The following CRY2 variants were observed in gnomAD, a reference collection of about 807,000 sequenced individuals.
The protein encoded by CRY2 is cryptochrome circadian regulator 2, also known as cryptochrome-2.
CRY2 carries 31 observed loss-of-function variants against 69.5 expected under a neutral mutation model. The observed-to-expected ratio is 0.45, with a 90% confidence interval of 0.34 to 0.60. CRY2 has a LOEUF of 0.60. CRY2 is among the 20% of genes least tolerant of loss of function. The probability of loss-of-function intolerance (pLI) is 0.02; values close to 1 mark genes in which losing one functional copy is unlikely to be tolerated. For synonymous variants in CRY2, 303 were observed against 312.2 expected, an observed-to-expected ratio of 0.97 and a Z score of 0.31; for missense variants, 606 against 797.8, an observed-to-expected ratio of 0.76 and a Z score of 2.90.
chr11:45,851,830 A>G (rs2086201148), intron 1 of CRY2, among the ~76,000 whole-genome samples: 1 of 152,196 alleles, frequency 6.6e-6, no homozygotes. Context: ...AGCCAGTGGT[A>G]TCATCATCGT....
intron 6 of CRY2, among the ~76,000 whole-genome samples, chr11:45,868,543 T>G (rs2086349960): frequency 6.6e-6 from 1 of 152,154 alleles, no homozygotes; most frequent in Non-Finnish European, 1.5e-5. Context: ...GGTCTCGAAC[T>G]CCTGGGCACA....
Position 45,870,869 on chromosome 11 carries a change from T to C in CRY2, c.1577T>C (p.Val526Ala). ...CTACTGGCATCTGTCCCTTCCTGTG[T>C]GGAAGACCTCAGTCACCCTGTGGCA... is the stretch of plus-strand genomic sequence containing the variant. ...LCLLASVPSC[V>A]EDLSHPVAEP... The change falls in exon 10 of 12, where the codon GTG becomes GCG. Residue 526 changes from valine to alanine, a missense_variant. Physicochemically the swap from Val to Ala is moderately conservative, Grantham distance 64. Around this residue, in one of 5 missense-constraint regions of CRY2, gnomAD observed 173 missense variants for 213.7 expected, o/e 0.81. Coordinates refer to ENST00000616080, the MANE Select transcript of CRY2 (RefSeq NM_021117.5). 1 of 1,613,678 alleles carries C rather than the reference T, an allele frequency of 6.2e-7. No individual in the cohort carries two copies. Among genetic ancestry groups the C allele is most frequent in the Non-Finnish European group, 8.5e-7 (1 of 1,180,024 alleles).
Position 45,869,753 on chromosome 11 carries a change from G to T in CRY2, c.1130G>T (p.Arg377Leu), listed in dbSNP as rs773287335. 6.2e-7 allele frequency: 1 copy of T among 1,613,730 alleles called. No individual in the cohort carries two copies. The highest frequency in any genetic ancestry group is 1.3e-5 in the African/African-American group (1 of 74,950). Residue 377 changes from arginine (R) to leucine (L), a missense_variant, in exon 7 of 12, where the codon CGG becomes CTG. Physicochemically the swap from Arg to Leu is moderately radical, Grantham distance 102. Coordinates refer to ENST00000616080, the MANE Select transcript of CRY2 (RefSeq NM_021117.5). The part of the protein sequence containing the change: ...RQEGWIHHLA[R>L]HAVACFLTRG... ...GAGGGCTGGATCCACCACCTGGCCC[G>T]GCATGCCGTGGCCTGCTTCCTGACC...
At chr11:45,850,983 A>G (rs1307685263) in intron 1 of CRY2, among the ~76,000 whole-genome samples, 1 of 151,914 alleles carries the variant, frequency 6.6e-6, no homozygotes, top group Non-Finnish European at 1.5e-5. Context: ...TGCCCTGGTG[A>G]TGGTGGGAAG....
chr11:45,860,720 A>C (rs1441632197), intron 3 of CRY2, 128 bp from the exon 4 acceptor site: 7 of 988,746 alleles, frequency 7.1e-6, no homozygotes, highest in African/African-American at 1.6e-5. Context: ...CCACTCAGGC[A>C]TGGGACCTGT....
intron 2 of CRY2, chr11:45,858,248 T>C (rs1427263901): frequency 6.5e-6 from 1 of 154,560 alleles, no homozygotes; most frequent in Non-Finnish European, 1.4e-5. Flanking sequence ...CTCAGGAGTG[T>C]TGCTGTGGAA....
intron 5 of CRY2, 72 bp downstream of exon 5, chr11:45,862,220 A>G: frequency 7.0e-7 from 1 of 1,432,624 alleles, no homozygotes; most frequent in Non-Finnish European, 9.6e-7. Context: ...GGTCATGTCC[A>G]TGTCCTTTAG....
chr11:45,872,069 C>T, intron 10 of CRY2, 23 bp from the exon 11 acceptor site: 1 of 1,613,332 alleles, frequency 6.2e-7, no homozygotes, highest in Non-Finnish European at 8.5e-7. Context: ...GTCTGTGTGA[C>T]CCTTTGACAC....
intron 11 of CRY2, among the ~76,000 whole-genome samples, chr11:45,877,415 G>T (rs962408466): frequency 6.6e-6 from 1 of 152,208 alleles, no homozygotes; most frequent in Non-Finnish European, 1.5e-5. Flanking sequence ...GCCTGCACAC[G>T]TGCATCCACC....
At chr11:45,875,883 T>C (rs1026562964) in intron 11 of CRY2, among the ~76,000 whole-genome samples, 3 of 152,248 alleles carry the variant, frequency 2.0e-5, no homozygotes, top group African/African-American at 7.2e-5. Flanking sequence ...TCTTTGAATA[T>C]GTAAAATGCA....
intron 4 of CRY2, chr11:45,861,279 C>T (rs1314233487): frequency 2.1e-6 from 1 of 472,936 alleles, no homozygotes; most frequent in Non-Finnish European, 3.8e-6. Flanking sequence ...GATCATGCCT[C>T]TATTTTTGTA....
chr11:45,876,621 C>T (rs1179079044), intron 11 of CRY2, among the ~76,000 whole-genome samples: 1 of 152,186 alleles, frequency 6.6e-6, no homozygotes, highest in East Asian at 1.9e-4. Flanking sequence ...TGGAGAGAAG[C>T]CCCACTGAAT....
At chr11:45,859,483 G>A (rs1380505729) in intron 3 of CRY2, among the ~76,000 whole-genome samples, 2 of 151,728 alleles carry the variant, frequency 1.3e-5, no homozygotes, top group East Asian at 3.9e-4. Flanking sequence ...GATCACTTGA[G>A]CCCAGGGGCT....
At chr11:45,879,152 C>T (rs1302564222) in intron 11 of CRY2, among the ~76,000 whole-genome samples, 1 of 151,764 alleles carries the variant, frequency 6.6e-6, no homozygotes, top group Non-Finnish European at 1.5e-5. Context: ...TCGCTTGAAC[C>T]TGGGAGGCAG....
intron 1 of CRY2, among the ~76,000 whole-genome samples, chr11:45,854,272 G>A (rs1165289743): frequency 6.6e-6 from 1 of 152,216 alleles, no homozygotes; most frequent in East Asian, 1.9e-4. Flanking sequence ...AAGAAGATAA[G>A]AATGCCAGTG....
intron 2 of CRY2, among the ~76,000 whole-genome samples, chr11:45,857,436 C>T (rs1451968073): frequency 1.3e-5 from 2 of 152,160 alleles, no homozygotes; most frequent in East Asian, 1.9e-4. Context: ...CCCTTTTTCT[C>T]CCCCAGCAAC....
At chr11:45,847,442 C>T (rs771616112), upstream of CRY2, 1 of 1,592,998 alleles carries the variant, frequency 6.3e-7, no homozygotes, top group South Asian at 1.1e-5. Context: ...GCGGGGTCCA[C>T]GTCGCCTACC....
chr11:45,871,293 A>G (rs1018098534), intron 10 of CRY2, among the ~76,000 whole-genome samples: 20 of 152,206 alleles, frequency 1.3e-4, no homozygotes, highest in African/African-American at 4.8e-4. Flanking sequence ...AAAGCTCACA[A>G]ACAGTACCGA....
At position 45,869,561 on chromosome 11, in the gene CRY2, A is replaced by G; in HGVS notation, c.938A>G (p.Glu313Gly). The change falls in exon 7 of 12, where the codon GAG (glutamate) becomes GGG (glycine). Residue 313 changes from glutamate (E) to glycine (G), a missense_variant. Around this residue, in one of 5 missense-constraint regions of CRY2, gnomAD observed 382 missense variants for 508.9 expected, o/e 0.75. Transcript: ENST00000616080. Reference protein sequence around the residue: ...LSLFGQLLWREFFYTAATNNP... With the variant: ...LSLFGQLLWRGFFYTAATNNP... ...CTATTTGGGCAACTCCTATGGCGAG[A>G]GTTCTTCTACACGGCAGCTACCAAC... 6.2e-7 allele frequency: 1 copy of G among 1,614,146 alleles called. No individual in the cohort carries two copies. The highest frequency in any genetic ancestry group is 8.5e-7 in the Non-Finnish European group (1 of 1,180,022).
Sources: gnomAD v4.1 joint callset for allele counts (sites outside exome capture counted in the v4.1 genomes callset) on GRCh38, gnomAD v4.1.1 for gene constraint, gnomAD v4.1.1 regional missense constraint, MANE v1.5 for transcripts, NCBI Gene and HGNC (gene_info 2026-07-23, HGNC 2026-07-21) for gene names.